Variants in HSH2D observed in about 807,000 individuals in gnomAD.
HSH2D encodes the protein hematopoietic SH2 domain containing.
A neutral mutation model predicts 21.5 loss-of-function variants in HSH2D; 16 were observed. The observed-to-expected ratio is 0.74, with a 90% CI of 0.50 to 1.13. The LOEUF (loss-of-function observed/expected upper bound fraction) is 1.13. HSH2D is among the 50% of genes most tolerant of loss of function. The probability of loss-of-function intolerance (pLI) is 0.00; values close to 1 mark genes in which losing one functional copy is unlikely to be tolerated. For synonymous variants in HSH2D, 172 were observed against 184.7 expected (o/e 0.93, Z 0.56); for missense variants, 418 against 441.4 (o/e 0.95, Z 0.47).
chr19:16,135,035 G>A (rs912323234), intron 1 of HSH2D, among the ~76,000 whole-genome samples: 12 of 149,892 alleles, frequency 8.0e-5, no homozygotes, highest in Non-Finnish European at 1.5e-4. Flanking sequence ...TTGGGAGGCC[G>A]AGGTGGGTGG....
chr19:16,154,343 GT>G lies in HSH2D; in HGVS notation c.382-55del, dbSNP rs1316356235. On this transcript the variant is annotated intron_variant, in intron 4 of 5. Coordinates refer to ENST00000613986, the MANE Select transcript of HSH2D (RefSeq NM_001382417.1). ...CCCTGAGACCTGCCTTCCAGGGTCC[GT>G]GCAGGACCTTTCCCCCTCCCTAGTG... 8.0e-6 allele frequency: 10 copies of G among 1,244,050 alleles called. No homozygotes were observed. In the Admixed American group the frequency reaches 1.9e-4, roughly 24 times the overall value. 77.1% of individuals were successfully genotyped at this position (1,244,050 alleles called of 1,614,324 possible).
At chr19:16,138,685 T>A (rs2090980168), upstream of HSH2D, among the ~76,000 whole-genome samples, 1 of 152,002 alleles carries the variant, frequency 6.6e-6, no homozygotes, top group Admixed American at 6.6e-5. Context: ...CTCGATCCCT[T>A]GACTTCATGA....
At chr19:16,138,473 T>C (rs946224726) in intron 1 of HSH2D, among the ~76,000 whole-genome samples, 1 of 152,164 alleles carries the variant, frequency 6.6e-6, no homozygotes, top group Non-Finnish European at 1.5e-5. Flanking sequence ...TGTTTGTTTG[T>C]TTGAGATGGA....
intron 3 of HSH2D, 34 bp downstream of exon 3, chr19:16,152,675 G>C: frequency 6.6e-7 from 1 of 1,509,208 alleles, no homozygotes; most frequent in Non-Finnish European, 9.0e-7. Flanking sequence ...GGCAGGGGCA[G>C]GTGGGCTCTT....
In HSH2D at chr19:16,148,680, G is replaced by A. The variant is rs73005206; in HGVS notation, c.-27-44G>A. On this transcript the variant is annotated intron_variant, in intron 1 of 5. Transcript: ENST00000613986. ...TTCAAGAATAGAGCAAAGATAAGAG[G>A]TGCATCAAGCTTGATTCTTGTCTTC... The A allele has an allele frequency of 1.3e-3, 2,030 of 1,572,532 alleles. 5 individuals are homozygous for A. The highest frequency in any genetic ancestry group is 1.6e-3 in the Non-Finnish European group (1,838 of 1,143,950).
chr19:16,143,421 A>G (rs1241872592), upstream of HSH2D, among the ~76,000 whole-genome samples: 6 of 151,994 alleles, frequency 3.9e-5, no homozygotes, highest in Admixed American at 3.3e-4. Context: ...ACTCCTCTTC[A>G]CTGCTTGATA....
intron 1 of HSH2D, among the ~76,000 whole-genome samples, chr19:16,148,272 C>T (rs897176084): frequency 3.9e-5 from 6 of 152,104 alleles, no homozygotes; most frequent in Admixed American, 3.3e-4. Context: ...CCTCAGCCTC[C>T]GGAGTAGCTG....
Position 16,154,579 on chromosome 19 carries a change from T to C in HSH2D, c.474+88T>C, listed in dbSNP as rs545835820. ...AACAGCTTCCAGAGGAGGCTCCTTC[T>C]AGAATGAGAATGCGATCCTACAGCT... On this transcript the variant is annotated intron_variant, in intron 5 of 5. Coordinates refer to ENST00000613986, the MANE Select transcript of HSH2D (RefSeq NM_001382417.1). The C allele has an allele frequency of 4.3e-5, 32 of 739,950 alleles. No homozygotes were observed. In the South Asian group the frequency reaches 5.5e-4, roughly 13 times the overall value. The allele number at this position is 739,950 out of a possible 1,614,324, so 45.8% of individuals were successfully genotyped here.
intron 4 of HSH2D, among the ~76,000 whole-genome samples, chr19:16,153,753 A>C (rs559613213): frequency 7.0e-4 from 105 of 149,018 alleles, no homozygotes; most frequent in Non-Finnish European, 1.1e-3. Flanking sequence ...TGCTGTGGGC[A>C]GGGCATGTTT....
chr19:16,140,263 A>G (rs2090991146), upstream of HSH2D, among the ~76,000 whole-genome samples: 1 of 152,194 alleles, frequency 6.6e-6, no homozygotes, highest in African/African-American at 2.4e-5. Flanking sequence ...TACTTGCACC[A>G]CTGCACTCCA....
intron 4 of HSH2D, 83 bp from the exon 5 acceptor site, chr19:16,154,316 G>T: frequency 1.2e-6 from 1 of 862,014 alleles, no homozygotes; most frequent in Non-Finnish European, 1.8e-6. Flanking sequence ...TCAAGGGATG[G>T]TCCCTGAGAC....
upstream of HSH2D, among the ~76,000 whole-genome samples, chr19:16,141,196 T>C (rs554276321): frequency 1.6e-3 from 236 of 152,170 alleles, 1 homozygote; most frequent in Non-Finnish European, 3.0e-3. Flanking sequence ...ACACAGCAGG[T>C]GAGTGAGAAG....
intron 1 of HSH2D, among the ~76,000 whole-genome samples, chr19:16,134,577 C>T (rs1339497875): frequency 1.3e-5 from 2 of 150,638 alleles, no homozygotes; most frequent in South Asian, 2.1e-4. Flanking sequence ...AGACCCAGGT[C>T]GGTTTCACCT....
At position 16,154,385 on chromosome 19, in the gene HSH2D, C is replaced by T. The variant is rs990847918; in HGVS notation, c.382-14C>T. 3.2e-6 allele frequency: 5 copies of T among 1,543,452 alleles called. No homozygotes were observed. In the African/African-American group the frequency reaches 6.9e-5, roughly 21 times the overall value. ...CTCCCTAGTGCTGAGCTACAGGCCC[C>T]TTCCGCCCTGCAGAAGGATCCCGCA... On this transcript the variant is annotated splice_polypyrimidine_tract_variant and intron_variant, in intron 4 of 5. Transcript: ENST00000613986.
chr19:16,136,983 C>T (rs2090968220), intron 1 of HSH2D, among the ~76,000 whole-genome samples: 1 of 152,188 alleles, frequency 6.6e-6, no homozygotes, highest in Non-Finnish European at 1.5e-5. Flanking sequence ...CAGGAGGGAA[C>T]TCTTCTCTTT....
chr19:16,136,463 T>C (rs2090964929), intron 1 of HSH2D, among the ~76,000 whole-genome samples: 1 of 152,094 alleles, frequency 6.6e-6, no homozygotes, highest in African/African-American at 2.4e-5. Flanking sequence ...AGAAAGAAAT[T>C]ATTTAGGCAG....
chr19:16,154,845 G>C (rs1419483686), intron 5 of HSH2D: 2 of 194,686 alleles, frequency 1.0e-5, no homozygotes, highest in Non-Finnish European at 2.2e-5. Context: ...TCTCCTTCAA[G>C]TGCCTCCTTC....
chr19:16,143,681 C>A, upstream of HSH2D: 1 of 439,874 alleles, frequency 2.3e-6, no homozygotes, highest in Admixed American at 2.5e-5. Context: ...GCCAGCCCCG[C>A]CCCATTGACG....
upstream of HSH2D, among the ~76,000 whole-genome samples, chr19:16,142,825 T>C (rs1006670333): frequency 1.3e-5 from 2 of 151,784 alleles, no homozygotes; most frequent in African/African-American, 4.8e-5. Flanking sequence ...CAGGCTAAAG[T>C]GCAGTGGCGT....
Sources: allele counts gnomAD v4.1 joint callset (sites outside exome capture counted in the v4.1 genomes callset), GRCh38; gene constraint gnomAD v4.1.1; transcripts MANE v1.5; gene names NCBI Gene and HGNC (gene_info 2026-07-23, HGNC 2026-07-21).